CC2D2B: variants seen among roughly 807,000 people sequenced by gnomAD.
CC2D2B encodes the protein coiled-coil and C2 domain containing 2B, also known as protein CC2D2B.
A neutral mutation model predicts 161.2 loss-of-function variants in CC2D2B; 128 were observed. The ratio of observed to expected loss-of-function variants is 0.79; its 90% CI spans 0.69 to 0.92. The LOEUF is 0.92. Ranked by LOEUF, CC2D2B falls within the 40% of genes least tolerant of loss-of-function variation. The pLI is 0.00. For synonymous variants in CC2D2B, 391 were observed against 449.8 expected (o/e 0.87, Z 1.65); for missense variants, 1,173 against 1,375.1 (o/e 0.85, Z 2.32).
chr10:95,914,472 TC>T (rs1222305344), intron 2 of CC2D2B, among the ~76,000 whole-genome samples: 1 of 152,132 alleles, frequency 6.6e-6, no homozygotes, highest in East Asian at 1.9e-4. Context: ...TTTGGCCGTG[TC>T]CCCATCCAAA....
chr10:96,013,104 G>T (rs926314222), intron 28 of CC2D2B, among the ~76,000 whole-genome samples: 7 of 152,280 alleles, frequency 4.6e-5, no homozygotes, highest in African/African-American at 1.7e-4. Context: ...TTAATTGCAT[G>T]AAGTCACCAG....
intron 2 of CC2D2B, among the ~76,000 whole-genome samples, chr10:95,916,155 C>A (rs2098515953): frequency 6.6e-6 from 1 of 151,928 alleles, no homozygotes; most frequent in Non-Finnish European, 1.5e-5. Context: ...GGAATTTATT[C>A]ATTTCTTCTA....
At chr10:95,964,981 G>A (rs750146324) in intron 12 of CC2D2B, among the ~76,000 whole-genome samples, 18 of 151,980 alleles carry the variant, frequency 1.2e-4, no homozygotes, top group Non-Finnish European at 1.8e-4. Flanking sequence ...TCTTTCTTTT[G>A]GGTATATGAG....
At chr10:95,958,212 C>T (rs906998020) in intron 11 of CC2D2B, among the ~76,000 whole-genome samples, 23 of 152,106 alleles carry the variant, frequency 1.5e-4, no homozygotes, top group Admixed American at 9.8e-4. Context: ...CAAAATAGGC[C>T]GGGCGTGTTG....
At chr10:96,023,821 C>G (rs911714847) in intron 32 of CC2D2B, among the ~76,000 whole-genome samples, 5 of 152,184 alleles carry the variant, frequency 3.3e-5, no homozygotes, top group African/African-American at 1.2e-4. Context: ...CTGGGCCTCA[C>G]CCCCAGAGTT....
At chr10:96,026,166 TAAG>T (rs2079765840) in intron 33 of CC2D2B, among the ~76,000 whole-genome samples, 1 of 152,174 alleles carries the variant, frequency 6.6e-6, no homozygotes, top group Non-Finnish European at 1.5e-5. Context: ...TAAACTCAGC[TAAG>T]AAGAGACCTC....
At chr10:95,930,831 T>C (rs566633922) in intron 6 of CC2D2B, among the ~76,000 whole-genome samples, 5 of 152,320 alleles carry the variant, frequency 3.3e-5, no homozygotes, top group African/African-American at 9.6e-5. Flanking sequence ...ATCAGAAATA[T>C]TGGCCTGAAA....
rs148162181 is a variant in CC2D2B, at chr10:95,958,578, G to C, written c.1109+3087G>C. Among the ~76,000 whole-genome samples the C allele has an allele frequency of 5.1e-3, 769 of 151,960 alleles. 7 individuals carry two copies. The highest frequency in any genetic ancestry group is 0.017 in the African/African-American group (725 of 41,466). ...AATAAAGAGATAGAAAATTGAAAAA[G>C]AGAATGAAGCTGAAAAGTATAATTG... On this transcript the variant is annotated intron_variant, in intron 11 of 34. Coordinates refer to ENST00000646931, the MANE Select transcript of CC2D2B (RefSeq NM_001349008.3).
At chr10:95,922,676 C>CA (rs2098529721) in intron 3 of CC2D2B, among the ~76,000 whole-genome samples, 1 of 152,178 alleles carries the variant, frequency 6.6e-6, no homozygotes, top group Non-Finnish European at 1.5e-5. Flanking sequence ...GCAAAGTGAT[C>CA]AATAGGTCCT....
chr10:95,915,087 T>G (rs189595373), intron 2 of CC2D2B, among the ~76,000 whole-genome samples: 3 of 152,196 alleles, frequency 2.0e-5, no homozygotes, highest in African/African-American at 7.2e-5. Flanking sequence ...CTCTTCAGTT[T>G]CTTGCATTTT....
intron 20 of CC2D2B, among the ~76,000 whole-genome samples, chr10:95,989,461 G>A (rs747858427): frequency 6.6e-6 from 1 of 152,118 alleles, no homozygotes; most frequent in African/African-American, 2.4e-5. Flanking sequence ...CTCATCCCCT[G>A]CCTCTCTTAC....
At chr10:95,925,253 A>T (rs1317189932) in intron 5 of CC2D2B, among the ~76,000 whole-genome samples, 1 of 152,196 alleles carries the variant, frequency 6.6e-6, no homozygotes, top group Non-Finnish European at 1.5e-5. Flanking sequence ...GAAGCAAGGC[A>T]AAGAAAACAT....
chr10:95,926,288 A>G (rs2141190066), intron 5 of CC2D2B, among the ~76,000 whole-genome samples: 1 of 152,284 alleles, frequency 6.6e-6, no homozygotes, highest in South Asian at 2.1e-4. Context: ...AAGAAACACG[A>G]TCCCAATTAC....
intron 34 of CC2D2B, among the ~76,000 whole-genome samples, chr10:96,029,292 A>ATGTATATCTATATATATATG: frequency 2.9e-5 from 3 of 103,528 alleles, no homozygotes; most frequent in Middle Eastern, 4.9e-3. Context: ...ATATGTATAT[A>ATGTATATCTATATATATATG]TATATATATA....
At chr10:95,947,082 A>AAAATATAT (rs1467752343) in intron 9 of CC2D2B, among the ~76,000 whole-genome samples, 2 of 39,484 alleles carry the variant, frequency 5.1e-5, no homozygotes, top group Non-Finnish European at 1.1e-4. Flanking sequence ...TGGACTCAAA[A>AAAATATAT]ATATATATAT....
chr10:95,937,245 T>G (rs1431170585), intron 6 of CC2D2B, among the ~76,000 whole-genome samples: 1 of 152,092 alleles, frequency 6.6e-6, no homozygotes, highest in Admixed American at 6.6e-5. Flanking sequence ...TAAATGTGTG[T>G]TTTTGAAAAC....
intron 5 of CC2D2B, among the ~76,000 whole-genome samples, chr10:95,925,904 G>T (rs779889270): frequency 6.6e-6 from 1 of 152,150 alleles, no homozygotes; most frequent in Non-Finnish European, 1.5e-5. Context: ...TGTGGAAGAA[G>T]TGTCTAGGTT....
At chr10:95,917,811 C>T (rs531038292) in intron 2 of CC2D2B, among the ~76,000 whole-genome samples, 1 of 152,092 alleles carries the variant, frequency 6.6e-6, no homozygotes, top group Non-Finnish European at 1.5e-5. Context: ...TTTGAGACAG[C>T]CTGTCACCCA....
rs188958638 is a variant in CC2D2B at position 95,945,612 on chromosome 10, G to A, written c.802-4284G>A. Among the ~76,000 whole-genome samples the A allele has an allele frequency of 2.3e-3, 349 of 152,110 alleles. 1 individual carries two copies. Among genetic ancestry groups the A allele is most frequent in the Non-Finnish European group, 3.5e-3 (238 of 67,986 alleles). ...TGTCAACCAGCTTGGATGTTTTTGT[G>A]CTTTTATGTAGCCTTTGATTCATTG... On this transcript the variant is annotated intron_variant, in intron 9 of 34. Transcript: ENST00000646931.
Sources: gnomAD v4.1 joint callset for allele counts (sites outside exome capture counted in the v4.1 genomes callset) on GRCh38, gnomAD v4.1.1 for gene constraint, MANE v1.5 for transcripts, NCBI Gene and HGNC (gene_info 2026-07-23, HGNC 2026-07-21) for gene names.